CNTNAP2: variants seen among roughly 807,000 people sequenced by gnomAD.
CNTNAP2 encodes the protein contactin associated protein 2, also known as contactin-associated protein-like 2.
In CNTNAP2, 98 loss-of-function variants were observed where a neutral mutation model predicts 155.2. The ratio of observed to expected loss-of-function variants is 0.63; its 90% confidence interval spans 0.54 to 0.75. CNTNAP2 has a LOEUF of 0.75. CNTNAP2 is among the 30% of genes least tolerant of loss of function. The probability of loss-of-function intolerance (pLI) is 0.00; values close to 1 mark genes in which losing one functional copy is unlikely to be tolerated. For missense variants in CNTNAP2, 1,727 were observed against 1,688.1 expected (o/e 1.02, Z -0.40); for synonymous variants, 651 against 631.2 (o/e 1.03, Z -0.47).
intron 10 of CNTNAP2, among the ~76,000 whole-genome samples, chr7:147,418,376 T>C (rs1193536552): frequency 6.6e-6 from 1 of 152,188 alleles, no homozygotes; most frequent in African/African-American, 2.4e-5. Flanking sequence ...TGACCTTTAT[T>C]CTCCATTTCA....
chr7:146,415,508 G>T (rs1212872054), intron 1 of CNTNAP2, among the ~76,000 whole-genome samples: 1 of 152,044 alleles, frequency 6.6e-6, no homozygotes, highest in East Asian at 1.9e-4. Context: ...ATTGCCAAAA[G>T]AAAAATTAAG....
intron 10 of CNTNAP2, among the ~76,000 whole-genome samples, chr7:147,408,972 A>G (rs1171580011): frequency 6.6e-6 from 1 of 152,184 alleles, no homozygotes; most frequent in Non-Finnish European, 1.5e-5. Context: ...TGGACTGAGG[A>G]GAGAGGGCTC....
At chr7:147,358,640 A>G (rs1796099964) in intron 9 of CNTNAP2, among the ~76,000 whole-genome samples, 1 of 152,086 alleles carries the variant, frequency 6.6e-6, no homozygotes, top group South Asian at 2.1e-4. Context: ...TTCAACCTTA[A>G]TACACATAAA....
At chr7:147,225,359 A>C (rs2116603824) in intron 8 of CNTNAP2, among the ~76,000 whole-genome samples, 1 of 152,256 alleles carries the variant, frequency 6.6e-6, no homozygotes, top group African/African-American at 2.4e-5. Flanking sequence ...TATTTTCCTA[A>C]AATATTTTCG....
intron 18 of CNTNAP2, among the ~76,000 whole-genome samples, chr7:148,204,491 T>G (rs1333259502): frequency 6.6e-6 from 1 of 152,254 alleles, no homozygotes; most frequent in African/African-American, 2.4e-5. Flanking sequence ...CAACTTCGAC[T>G]TTGAAATGTG....
intron 9 of CNTNAP2, among the ~76,000 whole-genome samples, chr7:147,328,484 G>A (rs956980878): frequency 9.2e-5 from 14 of 152,200 alleles, no homozygotes; most frequent in African/African-American, 3.4e-4. Context: ...CCACATGTGT[G>A]CAAGGACTGG....
intron 6 of CNTNAP2, among the ~76,000 whole-genome samples, chr7:147,127,592 C>A (rs1015233475): frequency 3.9e-5 from 6 of 152,104 alleles, no homozygotes; most frequent in Non-Finnish European, 7.4e-5. Context: ...ATCAAACATG[C>A]TCTGGAAAAG....
intron 11 of CNTNAP2, among the ~76,000 whole-genome samples, chr7:147,499,985 A>C (rs1295517868): frequency 2.6e-5 from 4 of 152,198 alleles, no homozygotes; most frequent in African/African-American, 7.2e-5. Flanking sequence ...TTTTTAAAGT[A>C]ATCTTACTTC....
chr7:146,970,257 A>G (rs1797755909), intron 3 of CNTNAP2, among the ~76,000 whole-genome samples: 3 of 152,200 alleles, frequency 2.0e-5, no homozygotes, highest in Admixed American at 2.0e-4. Flanking sequence ...AGAAACTACC[A>G]TCAGAGTGAA....
At chr7:147,755,807 T>C (rs966885226) in intron 13 of CNTNAP2, among the ~76,000 whole-genome samples, 1 of 152,226 alleles carries the variant, frequency 6.6e-6, no homozygotes, top group Non-Finnish European at 1.5e-5. Context: ...TTGGGATTTC[T>C]AGAAATTTTA....
At chr7:146,408,233 G>A (rs535084109) in intron 1 of CNTNAP2, among the ~76,000 whole-genome samples, 29 of 152,158 alleles carry the variant, frequency 1.9e-4, no homozygotes, top group African/African-American at 7.0e-4. Flanking sequence ...TTAAAAATAA[G>A]CAATTCATTG....
chr7:148,342,000 G>C (rs1256415481), intron 21 of CNTNAP2, among the ~76,000 whole-genome samples: 1 of 152,172 alleles, frequency 6.6e-6, no homozygotes, highest in Non-Finnish European at 1.5e-5. Context: ...GGAATTGATG[G>C]AGCAGAGGCT....
chr7:147,560,460 T>C (rs531262540), intron 11 of CNTNAP2, among the ~76,000 whole-genome samples: 1 of 152,278 alleles, frequency 6.6e-6, no homozygotes, highest in Admixed American at 6.5e-5. Flanking sequence ...GGTATGACAT[T>C]CTGAATTAGA....
chr7:146,606,954 G>T (rs1171546089), intron 1 of CNTNAP2, among the ~76,000 whole-genome samples: 1 of 152,102 alleles, frequency 6.6e-6, no homozygotes, highest in Admixed American at 6.5e-5. Flanking sequence ...TAGTCATAAA[G>T]TATACAGCAG....
At chr7:146,685,846 G>A (rs1197533209) in intron 1 of CNTNAP2, among the ~76,000 whole-genome samples, 1 of 152,116 alleles carries the variant, frequency 6.6e-6, no homozygotes, top group African/African-American at 2.4e-5. Flanking sequence ...TATAATTGAT[G>A]TATGTGAAAA....
intron 2 of CNTNAP2, among the ~76,000 whole-genome samples, chr7:146,804,207 A>T (rs1489149039): frequency 6.6e-6 from 1 of 152,196 alleles, no homozygotes; most frequent in Non-Finnish European, 1.5e-5. Context: ...AGATACTGTA[A>T]TCATATGATT....
At chr7:147,661,900 G>A (rs28520680) in intron 13 of CNTNAP2, among the ~76,000 whole-genome samples, 7,569 of 152,066 alleles carry the variant, frequency 0.05, 617 homozygotes, top group African/African-American at 0.17. Context: ...GCACCATGAC[G>A]TAGCCCTACC....
chr7:146,383,367 A>G (rs1383773816), intron 1 of CNTNAP2, among the ~76,000 whole-genome samples: 1 of 152,140 alleles, frequency 6.6e-6, no homozygotes, highest in Non-Finnish European at 1.5e-5. Flanking sequence ...TCACTTCACA[A>G]GCAGTATGGC....
chr7:147,020,045 T>C (rs1393361210), intron 3 of CNTNAP2, among the ~76,000 whole-genome samples: 2 of 152,102 alleles, frequency 1.3e-5, no homozygotes, highest in Admixed American at 6.6e-5. Context: ...AGATATAGTA[T>C]AGTATAGTAC....
Sources: gnomAD v4.1 joint callset for allele counts (sites outside exome capture counted in the v4.1 genomes callset) on GRCh38, gnomAD v4.1.1 for gene constraint, MANE v1.5 for transcripts, NCBI Gene and HGNC (gene_info 2026-07-23, HGNC 2026-07-21) for gene names.